The following PTPRD variants were observed in gnomAD, a reference collection of about 807,000 sequenced individuals.
PTPRD encodes protein tyrosine phosphatase receptor type D.
In PTPRD, 34 loss-of-function variants were observed where a neutral mutation model predicts 214.5. The ratio of observed to expected loss-of-function variants is 0.16; its 90% CI spans 0.12 to 0.21. The LOEUF (loss-of-function observed/expected upper bound fraction) is 0.21. Ranked by LOEUF, PTPRD falls within the 10% of genes least tolerant of loss-of-function variation. The pLI is 1.00. For missense variants in PTPRD, 2,545 were observed against 2,398.7 expected (o/e 1.06, Z -1.27); for synonymous variants, 1,128 against 845.7 (o/e 1.33, Z -5.79).
intron 7 of PTPRD, 87 bp from the exon 8 acceptor site, chr9:9,574,868 G>C (rs1236356678): frequency 6.6e-6 from 1 of 152,064 alleles, no homozygotes; most frequent in African/African-American, 2.4e-5. Flanking sequence ...AATTCAATAT[G>C]AGAAATGTTA....
At chr9:9,913,020 TAA>T (rs1215828102) in intron 5 of PTPRD, among the ~76,000 whole-genome samples, 1 of 152,222 alleles carries the variant, frequency 6.6e-6, no homozygotes, top group Non-Finnish European at 1.5e-5. Flanking sequence ...AACATTCTTA[TAA>T]GTTTTTTTAA....
At chr9:8,610,726 C>T (rs1183263089) in intron 14 of PTPRD, among the ~76,000 whole-genome samples, 1 of 152,194 alleles carries the variant, frequency 6.6e-6, no homozygotes, top group African/African-American at 2.4e-5. Flanking sequence ...GTTACAGGGA[C>T]ATTATTTCAT....
intron 3 of PTPRD, among the ~76,000 whole-genome samples, chr9:10,179,061 G>T (rs969533343): frequency 1.1e-4 from 17 of 151,850 alleles, no homozygotes; most frequent in African/African-American, 3.9e-4. Context: ...GTATGCTATA[G>T]ATAAAATGCT....
intron 12 of PTPRD, among the ~76,000 whole-genome samples, chr9:8,705,765 T>C (rs970621111): frequency 1.3e-5 from 2 of 152,242 alleles, no homozygotes; most frequent in Non-Finnish European, 2.9e-5. Flanking sequence ...TGTTTATTAC[T>C]TACTAGATTA....
chr9:10,232,643 A>T (rs2099615547), intron 3 of PTPRD, among the ~76,000 whole-genome samples: 1 of 151,998 alleles, frequency 6.6e-6, no homozygotes, highest in Non-Finnish European at 1.5e-5. Flanking sequence ...AAAATAGAAA[A>T]GAAGAGGGGT....
intron 9 of PTPRD, among the ~76,000 whole-genome samples, chr9:9,274,462 C>A (rs1944183384): frequency 6.6e-6 from 1 of 151,216 alleles, no homozygotes; most frequent in African/African-American, 2.4e-5. Context: ...ACCAAGATGG[C>A]AAATTATAAA....
intron 3 of PTPRD, among the ~76,000 whole-genome samples, chr9:10,061,072 TGGTCACATTTTGG>T (rs1367552502): frequency 3.0e-4 from 46 of 151,600 alleles, no homozygotes; most frequent in Non-Finnish European, 1.0e-4. Context: ...AGAAAAACAA[TGGTCACATTTTGG>T]GGTCAGGTAT....
intron 3 of PTPRD, among the ~76,000 whole-genome samples, chr9:10,305,685 T>C (rs1010938185): frequency 1.3e-5 from 2 of 152,180 alleles, no homozygotes; most frequent in Admixed American, 1.3e-4. Context: ...TCATCATCAC[T>C]GGTCATTAGA....
chr9:9,066,327 C>T (rs145228143), intron 10 of PTPRD, among the ~76,000 whole-genome samples: 407 of 152,012 alleles, frequency 2.7e-3, no homozygotes, highest in African/African-American at 9.5e-3. Flanking sequence ...TTTTAAAAAA[C>T]ATATTTAACC....
chr9:10,246,776 T>C (rs2092173517), intron 3 of PTPRD, among the ~76,000 whole-genome samples: 1 of 151,804 alleles, frequency 6.6e-6, no homozygotes, highest in South Asian at 2.1e-4. Context: ...CATACCTGTA[T>C]TTAACTACTC....
At chr9:10,368,905 G>C (rs541479780) in intron 2 of PTPRD, among the ~76,000 whole-genome samples, 1 of 152,198 alleles carries the variant, frequency 6.6e-6, no homozygotes, top group African/African-American at 2.4e-5. Context: ...AAAAGATGAA[G>C]TAGCCAGAGG....
chr9:9,527,749 C>A (rs2074467806), intron 8 of PTPRD, among the ~76,000 whole-genome samples: 1 of 152,106 alleles, frequency 6.6e-6, no homozygotes. Context: ...ACTATAGTTA[C>A]AGAAGTAATT....
At chr9:8,368,478 T>C (rs1370349836) in intron 39 of PTPRD, among the ~76,000 whole-genome samples, 4 of 152,126 alleles carry the variant, frequency 2.6e-5, no homozygotes, top group African/African-American at 4.8e-5. Flanking sequence ...AGACCTGATA[T>C]ATGATTTTGA....
intron 8 of PTPRD, among the ~76,000 whole-genome samples, chr9:9,417,807 T>C (rs1178321912): frequency 6.6e-6 from 1 of 152,080 alleles, no homozygotes; most frequent in Non-Finnish European, 1.5e-5. Context: ...AGACTTTGTG[T>C]CAGGATTAAA....
intron 5 of PTPRD, among the ~76,000 whole-genome samples, chr9:9,826,042 G>C (rs1026351034): frequency 6.6e-6 from 1 of 151,590 alleles, no homozygotes; most frequent in African/African-American, 2.4e-5. Context: ...ATAATTTTGA[G>C]TTATCTGTTC....
chr9:10,309,671 A>C (rs1006909364), intron 3 of PTPRD, among the ~76,000 whole-genome samples: 20 of 151,588 alleles, frequency 1.3e-4, no homozygotes, highest in African/African-American at 4.4e-4. Flanking sequence ...GGCGCCAACT[A>C]ATTTCTTTCT....
intron 3 of PTPRD, among the ~76,000 whole-genome samples, chr9:10,206,986 C>A (rs983782210): frequency 6.6e-6 from 1 of 152,034 alleles, no homozygotes; most frequent in African/African-American, 2.4e-5. Context: ...TTTTGTAAAA[C>A]TGAGGTCAAA....
At chr9:10,362,336 ATTT>A (rs34104705) in intron 2 of PTPRD, among the ~76,000 whole-genome samples, 20,919 of 142,074 alleles carry the variant, frequency 0.15, 2,839 homozygotes, top group African/African-American at 0.37. Context: ...TGACAGAGAA[ATTT>A]TTTTTTTTTT....
At chr9:10,011,232 T>C (rs1184516473) in intron 4 of PTPRD, among the ~76,000 whole-genome samples, 3 of 152,052 alleles carry the variant, frequency 2.0e-5, no homozygotes, top group African/African-American at 7.2e-5. Context: ...AACTTTTATT[T>C]CAAATACTAA....
Sources: gnomAD v4.1 joint callset for allele counts (sites outside exome capture counted in the v4.1 genomes callset) on GRCh38, gnomAD v4.1.1 for gene constraint, MANE v1.5 for transcripts, NCBI Gene and HGNC (gene_info 2026-07-23, HGNC 2026-07-21) for gene names.